Variants in MAMDC2 observed in about 807,000 individuals in gnomAD.
MAMDC2 encodes the protein MAM domain containing 2.
MAMDC2 carries 57 observed loss-of-function variants against 89.8 expected under a neutral mutation model. That is an observed-to-expected ratio of 0.63 (90% CI 0.51 to 0.79). MAMDC2 has a LOEUF of 0.79. MAMDC2 is among the 30% of genes least tolerant of loss of function. The pLI is 0.00. For missense variants in MAMDC2, 800 were observed against 820.6 expected (o/e 0.97, Z 0.31); for synonymous variants, 313 against 293.4 (o/e 1.07, Z -0.68).
chr9:70,220,854 A>G (rs746891465), intron 12 of MAMDC2, among the ~76,000 whole-genome samples: 2 of 152,232 alleles, frequency 1.3e-5, no homozygotes, highest in Non-Finnish European at 2.9e-5. Flanking sequence ...AATAATTCCT[A>G]GTCAGCTGTG....
intron 11 of MAMDC2, among the ~76,000 whole-genome samples, chr9:70,209,847 T>C (rs2033313857): frequency 6.6e-6 from 1 of 152,238 alleles, no homozygotes; most frequent in African/African-American, 2.4e-5. Context: ...TTTGTTCCCA[T>C]TGGTTTCAGA....
At chr9:70,070,896 A>G (rs1245979016) in intron 2 of MAMDC2, among the ~76,000 whole-genome samples, 1 of 152,188 alleles carries the variant, frequency 6.6e-6, no homozygotes, top group African/African-American at 2.4e-5. Context: ...ATATAAATAT[A>G]TAACATCACT....
intron 4 of MAMDC2, among the ~76,000 whole-genome samples, chr9:70,112,754 G>C (rs1828542619): frequency 6.6e-6 from 1 of 152,162 alleles, no homozygotes; most frequent in African/African-American, 2.4e-5. Context: ...CATGCTCCAA[G>C]TGACATGGCT....
intron 11 of MAMDC2, among the ~76,000 whole-genome samples, chr9:70,217,821 G>T (rs557903979): frequency 6.6e-6 from 1 of 152,346 alleles, no homozygotes; most frequent in South Asian, 2.1e-4. Flanking sequence ...GTGAGCATAT[G>T]TCATTATGTT....
intron 5 of MAMDC2, among the ~76,000 whole-genome samples, chr9:70,125,864 A>T (rs968244598): frequency 1.1e-4 from 16 of 152,146 alleles, no homozygotes; most frequent in African/African-American, 3.6e-4. Flanking sequence ...CACTTGACAG[A>T]TGACACATCT....
chr9:70,111,983 C>T (rs1297140437), intron 4 of MAMDC2, among the ~76,000 whole-genome samples: 2 of 152,186 alleles, frequency 1.3e-5, no homozygotes, highest in East Asian at 1.9e-4. Flanking sequence ...CAACTCATGG[C>T]GACCTGGCTG....
chr9:70,195,808 T>C (rs890833064), intron 11 of MAMDC2, among the ~76,000 whole-genome samples: 1 of 152,108 alleles, frequency 6.6e-6, no homozygotes, highest in African/African-American at 2.4e-5. Context: ...AGAGAAACCA[T>C]AAAGTGCTTC....
rs527377179 is a variant in MAMDC2, at chr9:70,140,464, G to A, written c.1138+176G>A. Among the ~76,000 whole-genome samples the A allele has an allele frequency of 1.7e-4, 26 of 152,250 alleles. No individual in the cohort carries two copies. The South Asian group carries it at 4.1e-3, about 24-fold the overall frequency. ...TTTAAAAATTGGAATTCAAGTTGCC[G>A]TGTTAACAAACATATTTGCTAGTTA... is the stretch of plus-strand genomic sequence containing the variant. On this transcript the variant is annotated intron_variant, in intron 8 of 13. Transcript: ENST00000377182.
At chr9:70,196,118 T>G (rs1347040287) in intron 11 of MAMDC2, among the ~76,000 whole-genome samples, 2 of 152,078 alleles carry the variant, frequency 1.3e-5, no homozygotes, top group East Asian at 1.9e-4. Context: ...ATTTATTAAA[T>G]GAGCAGATCT....
At chr9:70,178,017 C>A (rs550647330) in intron 11 of MAMDC2, among the ~76,000 whole-genome samples, 11 of 152,236 alleles carry the variant, frequency 7.2e-5, no homozygotes, top group African/African-American at 2.6e-4. Context: ...CAGTGTAACC[C>A]CAGGGCTGTA....
intron 2 of MAMDC2, among the ~76,000 whole-genome samples, chr9:70,085,358 G>A (rs1177664122): frequency 6.6e-6 from 1 of 152,002 alleles, no homozygotes; most frequent in Non-Finnish European, 1.5e-5. Flanking sequence ...GGTGCCAACT[G>A]GGAAGTCTGG....
intron 2 of MAMDC2, among the ~76,000 whole-genome samples, chr9:70,078,767 G>T (rs528447313): frequency 1.3e-5 from 2 of 152,030 alleles, no homozygotes; most frequent in East Asian, 3.9e-4. Flanking sequence ...AAGGATTTGC[G>T]TTCCTCCAAT....
chr9:70,141,265 A>T (rs932713073), intron 8 of MAMDC2, among the ~76,000 whole-genome samples: 3 of 152,198 alleles, frequency 2.0e-5, no homozygotes, highest in African/African-American at 7.2e-5. Context: ...TCTCTAGAGA[A>T]CCATTTGAAT....
In MAMDC2 at chr9:70,138,197, G is replaced by C. The variant is rs550282459; in HGVS notation, c.995-1948G>C. Among the ~76,000 whole-genome samples the C allele has an allele frequency of 2.0e-4, 30 of 152,232 alleles. 1 individual carries two copies. Among genetic ancestry groups the C allele is most frequent in the Admixed American group, 1.9e-3 (29 of 15,284 alleles). On this transcript the variant is annotated intron_variant, in intron 7 of 13. Transcript: ENST00000377182. ...TCTGACTTGTTTCACCTAAGATAAT[G>C]ACCTCCAATTCCAACCATGTTGCTG...
chr9:70,184,164 T>C (rs1447598022), intron 11 of MAMDC2, among the ~76,000 whole-genome samples: 1 of 152,212 alleles, frequency 6.6e-6, no homozygotes, highest in Non-Finnish European at 1.5e-5. Context: ...GGATATGAAA[T>C]TCTGGGTTGA....
chr9:70,075,198 C>G (rs753876204), intron 2 of MAMDC2, among the ~76,000 whole-genome samples: 10 of 152,174 alleles, frequency 6.6e-5, no homozygotes, highest in Non-Finnish European at 8.8e-5. Context: ...ATCTAGCAAG[C>G]AATGAAGCCA....
intron 6 of MAMDC2, 88 bp downstream of exon 6, chr9:70,126,503 G>T: frequency 7.3e-7 from 1 of 1,363,580 alleles, no homozygotes; most frequent in South Asian, 1.4e-5. Flanking sequence ...AGGCTGTGCA[G>T]CCTCACACTC....
chr9:70,196,716 C>T (rs987634067), intron 11 of MAMDC2, among the ~76,000 whole-genome samples: 8 of 152,048 alleles, frequency 5.3e-5, no homozygotes, highest in Admixed American at 1.3e-4. Context: ...ATAAAACCTG[C>T]ATTCATAAAA....
intron 11 of MAMDC2, among the ~76,000 whole-genome samples, chr9:70,171,307 T>G (rs1439916192): frequency 6.6e-6 from 1 of 151,094 alleles, no homozygotes; most frequent in East Asian, 2.0e-4. Context: ...AAGACCAGCC[T>G]AGACAACATA....
Sources: allele counts gnomAD v4.1 joint callset (sites outside exome capture counted in the v4.1 genomes callset), GRCh38; gene constraint gnomAD v4.1.1; transcripts MANE v1.5; gene names NCBI Gene and HGNC (gene_info 2026-07-23, HGNC 2026-07-21).